Variants in LMNB1 observed in about 807,000 individuals in gnomAD.
The protein encoded by LMNB1 is lamin B1.
A neutral mutation model predicts 67.1 loss-of-function variants in LMNB1; 23 were observed. The ratio of observed to expected loss-of-function variants is 0.34; its 90% CI spans 0.25 to 0.49. The LOEUF is 0.49. LMNB1 is among the 20% of genes least tolerant of loss of function. The probability of loss-of-function intolerance (pLI) is 0.99; values close to 1 mark genes in which losing one functional copy is unlikely to be tolerated. For synonymous variants in LMNB1, 281 were observed against 282.9 expected, an observed-to-expected ratio of 0.99 and a Z score of 0.07; for missense variants, 634 against 746.5, an observed-to-expected ratio of 0.85 and a Z score of 1.76.
intron 1 of LMNB1, among the ~76,000 whole-genome samples, chr5:126,796,779 T>TTC (rs1751104329): frequency 7.4e-6 from 1 of 135,646 alleles, no homozygotes; most frequent in Non-Finnish European, 1.5e-5. Context: ...CTTTTTCTTT[T>TTC]TTCTTTCTTT....
At chr5:126,786,081 G>C (rs1750772550) in intron 1 of LMNB1, among the ~76,000 whole-genome samples, 1 of 148,262 alleles carries the variant, frequency 6.7e-6, no homozygotes, top group Non-Finnish European at 1.5e-5. Flanking sequence ...CTGTTTGCCA[G>C]GCATTACAGT....
chr5:126,829,323 G>A (rs972668000), intron 9 of LMNB1, among the ~76,000 whole-genome samples: 11 of 151,904 alleles, frequency 7.2e-5, no homozygotes, highest in African/African-American at 2.7e-4. Context: ...CCTTGGGGAC[G>A]CAGGATAGCT....
intron 3 of LMNB1, among the ~76,000 whole-genome samples, chr5:126,807,871 T>TTTTTGTTTTTGTTTTTG (rs559246619): frequency 6.6e-6 from 1 of 151,794 alleles, no homozygotes; most frequent in Admixed American, 6.6e-5. Flanking sequence ...TTTGTTTTTG[T>TTTTTGTTTTTGTTTTTG]TTTTTTTAAC....
chr5:126,794,187 A>G (rs372674755), intron 1 of LMNB1, among the ~76,000 whole-genome samples: 19 of 152,242 alleles, frequency 1.2e-4, no homozygotes, highest in African/African-American at 4.3e-4. Context: ...GGCCCCCTAT[A>G]GTACTGGGAT....
At chr5:126,799,217 AC>A (rs1751199931) in intron 1 of LMNB1, among the ~76,000 whole-genome samples, 1 of 152,018 alleles carries the variant, frequency 6.6e-6, no homozygotes. Context: ...ACGGGGTTTC[AC>A]CGTGTTAGCC....
In LMNB1 at chr5:126,795,933, C is replaced by CTTTTTTTTTTTTTTTTTT. The variant is rs70997314; in HGVS notation, c.360-8827_360-8826insTTTTTTTTTTTTTTTTTT. Among the ~76,000 whole-genome samples, 12 of 82,094 alleles carry CTTTTTTTTTTTTTTTTTT rather than the reference C, an allele frequency of 1.5e-4. 1 individual carries two copies. The highest frequency in any genetic ancestry group is 4.1e-4 in the African/African-American group (9 of 22,168). The allele number at this position is 82,094 out of a possible 152,430, so 53.9% of individuals were successfully genotyped here. Reference sequence around the variant, plus strand: ...GAGCCACTGCGCCTGGCCCAGGATGCTTTTTTTTTTTTTTTTGAGACGGAG... The same window carrying CTTTTTTTTTTTTTTTTTT: ...GAGCCACTGCGCCTGGCCCAGGATGCTTTTTTTTTTTTTTTTTTTTTTTTTTTTTTTTTTGAGACGGAG... On this transcript the variant is annotated intron_variant, in intron 1 of 10. Coordinates refer to ENST00000261366, the MANE Select transcript of LMNB1 (RefSeq NM_005573.4).
At chr5:126,823,516 TTAG>T (rs1751919900) in intron 8 of LMNB1, among the ~76,000 whole-genome samples, 1 of 152,238 alleles carries the variant, frequency 6.6e-6, no homozygotes, top group South Asian at 2.1e-4. Context: ...TTGCTTTTAC[TTAG>T]TAGGTAGATT....
intron 6 of LMNB1, among the ~76,000 whole-genome samples, chr5:126,820,185 G>A (rs2126728260): frequency 6.6e-6 from 1 of 152,174 alleles, no homozygotes; most frequent in African/African-American, 2.4e-5. Context: ...AAAGGAAAGT[G>A]GCTGATTTAG....
chr5:126,820,822 C>T lies in LMNB1; in HGVS notation c.1161-88C>T, dbSNP rs548642143. 8 of 1,043,784 alleles carry T rather than the reference C, an allele frequency of 7.7e-6. No homozygotes were observed. In the African/African-American group the frequency reaches 1.2e-4, roughly 15 times the overall value. The allele number at this position is 1,043,784 out of a possible 1,614,324, so 64.7% of individuals were successfully genotyped here. A position where few individuals can be genotyped will look rare whatever the true frequency, so the allele number is the denominator to read the frequency against. On this transcript the variant is annotated intron_variant, in intron 6 of 10. Coordinates refer to ENST00000261366, the MANE Select transcript of LMNB1 (RefSeq NM_005573.4). ...GGGTTACAGACATGAGCCTCTGTGC[C>T]CAGCCCTTGTTTTTTTGTTTTTTTT...
At chr5:126,783,325 G>T (rs768021811) in intron 1 of LMNB1, among the ~76,000 whole-genome samples, 7 of 150,650 alleles carry the variant, frequency 4.6e-5, no homozygotes, top group Non-Finnish European at 7.4e-5. Context: ...ATACATCTTG[G>T]CCTTAATATA....
rs752371260 is a variant in LMNB1 at position 126,792,567 on chromosome 5, ATTTTTTTT to A, written c.360-12190_360-12183del. Among the ~76,000 whole-genome samples, 31 of 99,152 alleles carry A rather than the reference ATTTTTTTT, an allele frequency of 3.1e-4. No individual in the cohort carries two copies. The South Asian group carries it at 4.1e-3, about 13-fold the overall frequency. The allele number at this position is 99,152 out of a possible 152,430, so 65.0% of individuals were successfully genotyped here. A position where few individuals can be genotyped will look rare whatever the true frequency, so the allele number is the denominator to read the frequency against. ...GTGCAGGGAACAGAAAGCACTAGGGATTTTTTTTTTTTTTTTTTTTTTTTTTGAGATAG... is the reference window on the plus strand; with the variant it reads ...GTGCAGGGAACAGAAAGCACTAGGGATTTTTTTTTTTTTTTTTTGAGATAG... On this transcript the variant is annotated intron_variant, in intron 1 of 10. Transcript: ENST00000261366.
chr5:126,783,592 G>C (rs1750686657), intron 1 of LMNB1, among the ~76,000 whole-genome samples: 1 of 152,152 alleles, frequency 6.6e-6, no homozygotes, highest in Non-Finnish European at 1.5e-5. Context: ...AAAGATGTTT[G>C]ATAAAGCAAG....
chr5:126,827,561 T>G (rs1752024711), intron 9 of LMNB1, among the ~76,000 whole-genome samples: 1 of 152,172 alleles, frequency 6.6e-6, no homozygotes, highest in Non-Finnish European at 1.5e-5. Flanking sequence ...CTCAGGAAGC[T>G]GAGGCAGGAG....
At chr5:126,830,073 A>G (rs1329675900) in intron 9 of LMNB1, among the ~76,000 whole-genome samples, 2 of 152,262 alleles carry the variant, frequency 1.3e-5, no homozygotes, top group African/African-American at 4.8e-5. Context: ...TATAAAATAT[A>G]AACAATCATC....
In LMNB1 at chr5:126,810,263, G is replaced by A. The variant is rs1273136974; in HGVS notation, c.726G>A (p.Leu242=). 6.2e-7 allele frequency: 1 copy of A among 1,613,888 alleles called. No homozygotes were observed. The highest frequency in any genetic ancestry group is 8.5e-7 in the Non-Finnish European group (1 of 1,179,904). Reference sequence around the variant, plus strand: ...GTCAAATTGAGTATGAGTACAAGCTGGCGCAAGCCCTTCATGAGATGAGAG... The same window carrying A: ...GTCAAATTGAGTATGAGTACAAGCTAGCGCAAGCCCTTCATGAGATGAGAG... The part of the protein sequence containing the change: ...SGRQIEYEYK[L]AQALHEMREQ... Residue 242 remains leucine, a synonymous_variant, in exon 4 of 11, where the codon CTG becomes CTA. Coordinates refer to ENST00000261366, the MANE Select transcript of LMNB1 (RefSeq NM_005573.4).
rs61232506 is a variant in LMNB1, at chr5:126,804,238, C to CTTTTT, written c.360-522_360-518dup. On this transcript the variant is annotated intron_variant, in intron 1 of 10. Coordinates refer to ENST00000261366, the MANE Select transcript of LMNB1 (RefSeq NM_005573.4). ...CAAATGTGTGCCACTGTGCCAGGCT[C>CTTTTT]TTTTTTTTTTTTTTTTTTTTGTAGA... 3.5e-3 allele frequency among the ~76,000 whole-genome samples: 350 copies of CTTTTT among 100,980 alleles called. 3 individuals carry two copies. The highest frequency in any genetic ancestry group is 4.4e-3 in the Non-Finnish European group (234 of 52,684). The allele number at this position is 100,980 out of a possible 152,430, so 66.2% of individuals were successfully genotyped here.
intron 1 of LMNB1, among the ~76,000 whole-genome samples, chr5:126,787,546 A>ATATATATATATTTTTTTTTTT: frequency 3.2e-4 from 21 of 65,570 alleles, no homozygotes; most frequent in Middle Eastern, 0.019. Flanking sequence ...ATATATATAT[A>ATATATATATATTTTTTTTTTT]TTTTTTTTTT....
intron 1 of LMNB1, among the ~76,000 whole-genome samples, chr5:126,781,307 A>G (rs1476833764): frequency 2.0e-5 from 3 of 152,108 alleles, no homozygotes; most frequent in Non-Finnish European, 4.4e-5. Flanking sequence ...ATTTTGTTGA[A>G]GAACATCCTT....
At chr5:126,792,679 C>T (rs927614911) in intron 1 of LMNB1, among the ~76,000 whole-genome samples, 36 of 147,528 alleles carry the variant, frequency 2.4e-4, no homozygotes, top group Admixed American at 2.3e-3. Flanking sequence ...CAGGTTCAAG[C>T]GTTTCTCCTG....
Sources: allele counts gnomAD v4.1 joint callset (sites outside exome capture counted in the v4.1 genomes callset), GRCh38; gene constraint gnomAD v4.1.1; transcripts MANE v1.5; gene names NCBI Gene and HGNC (gene_info 2026-07-23, HGNC 2026-07-21).